Variants in CFAP74 observed in about 807,000 individuals in gnomAD.
CFAP74 encodes cilia- and flagella-associated protein 74.
Under a neutral mutation model 188.9 loss-of-function variants are expected in CFAP74, and 124 were observed. The observed-to-expected ratio is 0.66, with a 90% CI of 0.57 to 0.76. The LOEUF (loss-of-function observed/expected upper bound fraction) is 0.76, where lower values mean the gene tolerates loss of function less well. Among genes scored for constraint, CFAP74 ranks in the 30% least tolerant of loss-of-function variants. The pLI, the probability that CFAP74 is intolerant of heterozygous loss-of-function variation, is 0.00. For synonymous variants in CFAP74, 956 were observed against 916.7 expected (o/e 1.04, Z -0.77); for missense variants, 2,198 against 2,165.2 (o/e 1.02, Z -0.30).
intron 18 of CFAP74, among the ~76,000 whole-genome samples, chr1:1,949,996 C>T (rs559401984): frequency 2.0e-5 from 3 of 152,088 alleles, no homozygotes; most frequent in South Asian, 2.1e-4. Flanking sequence ...CAGGTTTTTG[C>T]GGGAATTTAA....
chr1:1,948,594 G>GTT (rs56188156), intron 18 of CFAP74, among the ~76,000 whole-genome samples: 95,309 of 121,838 alleles, frequency 0.78, 37,910 homozygotes, highest in East Asian at 0.82. Context: ...CTTTCTTCTT[G>GTT]TTTTTTTTTT....
chr1:1,981,658 A>G (rs1656867256), intron 6 of CFAP74, among the ~76,000 whole-genome samples: 1 of 67,588 alleles, frequency 1.5e-5, no homozygotes, highest in African/African-American at 6.4e-5. Context: ...GCGGACAGAC[A>G]CAGGGGCACG....
chr1:1,955,326 C>T (rs1345597796), intron 18 of CFAP74: 142 of 1,311,884 alleles, frequency 1.1e-4, no homozygotes, highest in Non-Finnish European at 1.4e-4. Flanking sequence ...CGCTGGTGCG[C>T]GTCTAACAAC....
intron 1 of CFAP74, among the ~76,000 whole-genome samples, chr1:1,993,810 A>G (rs564675848): frequency 2.4e-3 from 161 of 66,586 alleles, no homozygotes; most frequent in Non-Finnish European, 3.6e-3. Flanking sequence ...ATGAAACCCC[A>G]CCTCTACTAA....
chr1:1,945,369 A>G (rs1653680095), intron 20 of CFAP74, among the ~76,000 whole-genome samples: 1 of 152,182 alleles, frequency 6.6e-6, no homozygotes, highest in Non-Finnish European at 1.5e-5. Context: ...GAAGTGCAGC[A>G]GCCCAGCACG....
In CFAP74 at chr1:1,997,417, C is replaced by A. The variant is rs1446090459; in HGVS notation, c.-20+6284G>T. ...AGCCTGGGCGACAAGAGCGAAACTC[C>A]GTCTCAAAAAAAAAAAAAAGGAAAT... On this transcript the variant is annotated intron_variant, in intron 1 of 38. Transcript: ENST00000682832. Among the ~76,000 whole-genome samples the A allele has an allele frequency of 2.7e-5, 4 of 146,978 alleles. No individual in the cohort carries two copies. In the East Asian group the frequency reaches 7.9e-4, roughly 29 times the overall value.
chr1:2,000,100 G>C (rs1481043056), intron 1 of CFAP74, among the ~76,000 whole-genome samples: 5 of 152,072 alleles, frequency 3.3e-5, no homozygotes, highest in East Asian at 3.9e-4. Context: ...TGAGGTGGAG[G>C]TTGCAGTGAG....
chr1:1,937,351 A>G (rs1357810469), intron 25 of CFAP74, among the ~76,000 whole-genome samples: 1 of 152,246 alleles, frequency 6.6e-6, no homozygotes, highest in Non-Finnish European at 1.5e-5. Flanking sequence ...ACCACGGGAC[A>G]GCATCGCACC....
chr1:1,963,957 G>C, intron 13 of CFAP74, 90 bp from the exon 14 acceptor site: 1 of 821,500 alleles, frequency 1.2e-6, no homozygotes, highest in Non-Finnish European at 2.1e-6. Context: ...GTAACCGCTG[G>C]TGAGCATTTG....
Position 1,939,143 on chromosome 1 carries a change from AGT to A in CFAP74, c.2878-157_2878-156del, listed in dbSNP as rs998180022. 1.4e-4 allele frequency among the ~76,000 whole-genome samples: 21 copies of A among 152,142 alleles called. 1 individual carries two copies. In the East Asian group the frequency reaches 2.7e-3, roughly 20 times the overall value. ...CGCTGTCAACGAGTGTGTGTCAGCA[AGT>A]GTGTGAGTGTGAGCACATGTGTATG... On this transcript the variant is annotated intron_variant, in intron 24 of 38. Transcript: ENST00000682832.
chr1:1,994,619 C>T (rs1171387736), intron 1 of CFAP74, among the ~76,000 whole-genome samples: 1 of 152,188 alleles, frequency 6.6e-6, no homozygotes, highest in Non-Finnish European at 1.5e-5. Context: ...AATGGCCAAA[C>T]CTATTCAGCT....
chr1:1,932,168 G>A (rs1389042015), intron 25 of CFAP74, among the ~76,000 whole-genome samples: 22 of 151,518 alleles, frequency 1.5e-4, no homozygotes, highest in South Asian at 4.2e-4. Flanking sequence ...AGGCTGAGGC[G>A]GGCAGATCAC....
At chr1:1,947,508 A>G (rs1369943711) in intron 18 of CFAP74, among the ~76,000 whole-genome samples, 1 of 152,130 alleles carries the variant, frequency 6.6e-6, no homozygotes, top group Non-Finnish European at 1.5e-5. Flanking sequence ...CCTGGTTTCC[A>G]TCTGCCACTG....
chr1:1,970,788 T>G lies in CFAP74; in HGVS notation c.917A>C (p.Asp306Ala). 1 of 1,614,116 alleles carries G rather than the reference T, an allele frequency of 6.2e-7. No homozygotes were observed. Among genetic ancestry groups the G allele is most frequent in the Non-Finnish European group, 8.5e-7 (1 of 1,179,998 alleles). ...CTCCGCCAGCTCTGCCTTGGCACGG[T>G]CCCATGCTTGGAACTTCCGCAGTGT... Reference protein sequence around the residue: ...RDTLRKFQAWDRAKAELAEQR... With the variant: ...RDTLRKFQAWARAKAELAEQR... The change falls in exon 10 of 39, where the codon GAC (aspartate) becomes GCC (alanine). Residue 306 changes from aspartate (D) to alanine (A), a missense_variant. Physicochemically the swap from Asp to Ala is moderately radical, Grantham distance 126. Transcript: ENST00000682832.
intron 3 of CFAP74, 52 bp downstream of exon 3, chr1:1,988,837 C>A (rs1657403074): frequency 1.6e-5 from 6 of 383,308 alleles, no homozygotes; most frequent in Non-Finnish European, 2.9e-5. Context: ...CCCACCCCCA[C>A]CCCCACCCCC....
Position 1,970,741 on chromosome 1 carries a change from T to G in CFAP74, c.964A>C (p.Lys322Gln). The G allele has an allele frequency of 6.2e-7, 1 of 1,614,174 alleles. No individual in the cohort carries two copies. The highest frequency in any genetic ancestry group is 1.1e-5 in the South Asian group (1 of 91,092). The change falls in exon 10 of 39, where the codon AAG (lysine) becomes CAG (glutamine). Residue 322 changes from lysine to glutamine, a missense_variant. By Grantham distance (53) the Lys-to-Gln change is moderately conservative. Coordinates refer to ENST00000682832, the MANE Select transcript of CFAP74 (RefSeq NM_001304360.2). Reference protein sequence around the residue: ...LAEQRVQAEKKAILAQGRDAF... With the variant: ...LAEQRVQAEKQAILAQGRDAF... The stretch of plus-strand genomic sequence containing the variant: ...TCCCTGCCCTGGGCCAGAATCGCCT[T>G]CTTCTCAGCCTGGACCCTCTGCTCC...
intron 18 of CFAP74, chr1:1,955,035 CCGGAAG>C: frequency 8.7e-7 from 1 of 1,144,070 alleles, no homozygotes; most frequent in Admixed American, 3.6e-5. Flanking sequence ...GCGGCTCACA[CCGGAAG>C]TGCGGCTCAC....
In CFAP74 at chr1:1,942,260, G is replaced by T; in HGVS notation, c.2487-104C>A. On this transcript the variant is annotated intron_variant, in intron 21 of 38. Transcript: ENST00000682832. The surrounding 1 kb of genome is among the most constrained non-coding windows in gnomAD (Gnocchi z 4.3). ...ACATTTCTGGCACCCAAGCCCCCGA[G>T]AGGTGCTCAGAGCCCACCCACTCCA... 1 of 1,226,506 alleles carries T rather than the reference G, an allele frequency of 8.2e-7. No individual in the cohort carries two copies. The highest frequency in any genetic ancestry group is 1.5e-5 in the African/African-American group (1 of 64,956). 76.0% of individuals were successfully genotyped at this position (1,226,506 alleles called of 1,614,324 possible). A position where few individuals can be genotyped will look rare whatever the true frequency, so the allele number is the denominator to read the frequency against.
rs1470675535 is a variant in CFAP74, at chr1:1,940,412, G to A, written c.2616-9C>T. Reference sequence around the variant, plus strand: ...CCTCCGGGAGGGAGTGTCTGAAAGAGGCAGACAAGGCGAATGTGCTTTCCT... The same window carrying A: ...CCTCCGGGAGGGAGTGTCTGAAAGAAGCAGACAAGGCGAATGTGCTTTCCT... On this transcript the variant is annotated splice_polypyrimidine_tract_variant and intron_variant, in intron 22 of 38. Coordinates refer to ENST00000682832, the MANE Select transcript of CFAP74 (RefSeq NM_001304360.2). 1 of 1,508,970 alleles carries A rather than the reference G, an allele frequency of 6.6e-7. No individual in the cohort carries two copies. The highest frequency in any genetic ancestry group is 8.8e-7 in the Non-Finnish European group (1 of 1,130,534). The allele number at this position is 1,508,970 out of a possible 1,614,324, so 93.5% of individuals were successfully genotyped here.
Sources: gnomAD v4.1 joint callset for allele counts (sites outside exome capture counted in the v4.1 genomes callset) on GRCh38, gnomAD v4.1.1 for gene constraint, Gnocchi (gnomAD v3.1) non-coding constraint, MANE v1.5 for transcripts, NCBI Gene and HGNC (gene_info 2026-07-23, HGNC 2026-07-21) for gene names.